The following ANKRD27 variants were observed in gnomAD, a reference collection of about 807,000 sequenced individuals.
ANKRD27 encodes the protein ankyrin repeat domain 27.
A neutral mutation model predicts 129.7 loss-of-function variants in ANKRD27; 112 were observed. The ratio of observed to expected loss-of-function variants is 0.86; its 90% CI spans 0.74 to 1.01. ANKRD27 has a LOEUF of 1.01. Ranked by LOEUF, ANKRD27 falls within the 50% of genes least tolerant of loss-of-function variation. ANKRD27 has a pLI of 0.00. For missense variants in ANKRD27, 1,258 were observed against 1,300.5 expected, an observed-to-expected ratio of 0.97 and a Z score of 0.50; for synonymous variants, 516 against 511.2, an observed-to-expected ratio of 1.01 and a Z score of -0.13.
chr19:32,629,497 C>T (rs1966951798), intron 13 of ANKRD27, among the ~76,000 whole-genome samples: 1 of 152,070 alleles, frequency 6.6e-6, no homozygotes, highest in African/African-American at 2.4e-5. Context: ...GTCAGGAGTT[C>T]GAGACTAGCC....
chr19:32,641,362 CA>C (rs1967197311), intron 10 of ANKRD27, among the ~76,000 whole-genome samples: 2 of 152,154 alleles, frequency 1.3e-5, no homozygotes, highest in Non-Finnish European at 2.9e-5. Context: ...CTAAAGTCAC[CA>C]AGGTCCTTCC....
intron 10 of ANKRD27, 91 bp downstream of exon 10, chr19:32,641,933 C>T: frequency 4.9e-6 from 7 of 1,439,592 alleles, no homozygotes; most frequent in Non-Finnish European, 4.6e-6. Context: ...GCACCCAGCC[C>T]CATAAAAATC....
chr19:32,603,540 GACTTTTACTTTCATTTTTTTGAGAT>G (rs1238182319), intron 25 of ANKRD27, among the ~76,000 whole-genome samples: 1 of 152,102 alleles, frequency 6.6e-6, no homozygotes, highest in Admixed American at 6.6e-5. Context: ...AGGACTCAAG[GACTTTTACTTTCATTTTTTTGAGAT>G]AAAGTCTCTG....
chr19:32,644,406 G>C lies in ANKRD27; in HGVS notation c.444C>G (p.His148Gln), dbSNP rs1967262588. 2 of 1,614,158 alleles carry C rather than the reference G, an allele frequency of 1.2e-6. No individual in the cohort carries two copies. The highest frequency in any genetic ancestry group is 1.1e-5 in the South Asian group (1 of 91,086). ...CGATGTTCCTGTCAAATCGCTCGGA[G>C]TGTCTTCCCAAGAACTCTCTCACAT... ...IEDVREFLGR[H>Q]SERFDRNIAS... The change falls in exon 5 of 29, where the codon CAC (histidine) becomes CAG (glutamine). Residue 148 changes from histidine to glutamine, a missense_variant. Transcript: ENST00000306065.
In ANKRD27 at chr19:32,626,747, G is replaced by A. The variant is rs1966890689; in HGVS notation, c.1501C>T (p.His501Tyr). Residue 501 changes from histidine to tyrosine, a missense_variant, in exon 16 of 29, where the codon CAC (histidine) becomes TAC (tyrosine). By Grantham distance (83) the His-to-Tyr change is moderately conservative. Transcript: ENST00000306065. ...ATDYHGATPLHLACQKGYQSV... is the reference protein window; with the variant it reads ...ATDYHGATPLYLACQKGYQSV... Reference sequence around the variant, plus strand: ...TGGTAGCCCTTCTGACAGGCCAGGTGGAGCGGAGTGGCTCCATGGTAGTCT... The same window carrying A: ...TGGTAGCCCTTCTGACAGGCCAGGTAGAGCGGAGTGGCTCCATGGTAGTCT... The A allele has an allele frequency of 6.2e-7, 1 of 1,612,224 alleles. No individual in the cohort carries two copies. The highest frequency in any genetic ancestry group is 8.5e-7 in the Non-Finnish European group (1 of 1,179,272).
chr19:32,672,105 T>C (rs1185118542), intron 1 of ANKRD27, among the ~76,000 whole-genome samples: 1 of 152,224 alleles, frequency 6.6e-6, no homozygotes, highest in African/African-American at 2.4e-5. Flanking sequence ...TCCTTAGAGA[T>C]GCACTCCCTG....
At chr19:32,671,526 C>T (rs7256791) in intron 1 of ANKRD27, among the ~76,000 whole-genome samples, 11,250 of 151,902 alleles carry the variant, frequency 0.074, 724 homozygotes, top group East Asian at 0.17. Context: ...GGTAAAACCC[C>T]GTCTCTACTA....
intron 9 of ANKRD27, among the ~76,000 whole-genome samples, chr19:32,642,564 C>T (rs1409146370): frequency 2.6e-5 from 4 of 151,958 alleles, no homozygotes; most frequent in Non-Finnish European, 5.9e-5. Flanking sequence ...ATGGTGAAAC[C>T]CCATCTCTTC....
chr19:32,613,542 A>C (rs1971863965), intron 22 of ANKRD27, among the ~76,000 whole-genome samples: 1 of 152,176 alleles, frequency 6.6e-6, no homozygotes, highest in Non-Finnish European at 1.5e-5. Context: ...GCAACAAACT[A>C]CATGTCCTTG....
chr19:32,643,658 G>A (rs749923952), intron 5 of ANKRD27, 27 bp from the exon 6 acceptor site: 4 of 1,613,046 alleles, frequency 2.5e-6, no homozygotes, highest in Non-Finnish European at 3.4e-6. Context: ...AGAGGGACAG[G>A]CCACCCTTAC....
Position 32,606,939 on chromosome 19 carries a change from C to CAAAAAAAAAAAA in ANKRD27, c.2373+684_2373+695dup, listed in dbSNP as rs532062312. On this transcript the variant is annotated intron_variant, in intron 23 of 28. Coordinates refer to ENST00000306065, the MANE Select transcript of ANKRD27 (RefSeq NM_032139.3). ...ACAACATGGTGAAACCCCATCTCCA[C>CAAAAAAAAAAAA]AAAAAAAAAAAAAAAAAAAAAAAAA... 5.0e-4 allele frequency among the ~76,000 whole-genome samples: 33 copies of CAAAAAAAAAAAA among 65,648 alleles called. 1 individual carries two copies. The highest frequency in any genetic ancestry group is 1.2e-3 in the East Asian group (2 of 1,710). 43.1% of individuals were successfully genotyped at this position (65,648 alleles called of 152,430 possible).
intron 3 of ANKRD27, among the ~76,000 whole-genome samples, chr19:32,648,431 A>G (rs944478386): frequency 1.4e-4 from 22 of 152,234 alleles, no homozygotes; most frequent in African/African-American, 4.8e-4. Flanking sequence ...TTGTGGTTAC[A>G]TAAGAGAATG....
At chr19:32,643,005 C>T in intron 9 of ANKRD27, 118 bp downstream of exon 9, 1 of 1,013,308 alleles carries the variant, frequency 9.9e-7, no homozygotes, top group Non-Finnish European at 1.5e-6. Flanking sequence ...TGCGCTGCTC[C>T]TCAGAACTAA....
rs1972084470 is a variant in ANKRD27 at position 32,625,976 on chromosome 19, T to G, written c.1537-10A>C. On this transcript the variant is annotated splice_polypyrimidine_tract_variant and intron_variant, in intron 16 of 28. Transcript: ENST00000306065. ...AGTGCAGCAGCAGCAGCTGCGGAGA[T>G]AAAGGAAAGCGATGAGCAGGGCACA... 1 of 1,598,874 alleles carries G rather than the reference T, an allele frequency of 6.3e-7. No individual in the cohort carries two copies. The highest frequency in any genetic ancestry group is 2.2e-5 in the East Asian group (1 of 44,446).
At chr19:32,626,018 G>T in intron 16 of ANKRD27, 52 bp from the exon 17 acceptor site, 1 of 1,477,870 alleles carries the variant, frequency 6.8e-7, no homozygotes, top group East Asian at 2.4e-5. Flanking sequence ...TCCCTGGGAG[G>T]CCCGGCCTCC....
chr19:32,655,141 C>T (rs1967494880), intron 2 of ANKRD27: 1 of 152,338 alleles, frequency 6.6e-6, no homozygotes, highest in Admixed American at 6.5e-5. Context: ...CCTCCTTGGG[C>T]AACATGGTGG....
At chr19:32,606,126 T>C (rs1971731222) in intron 23 of ANKRD27, among the ~76,000 whole-genome samples, 172 bp from the exon 24 acceptor site, 2 of 101,956 alleles carry the variant, frequency 2.0e-5, no homozygotes, top group African/African-American at 5.2e-5. Context: ...TATTTTTTTG[T>C]TGTTGTTCTT....
chr19:32,637,617 C>T (rs1549159), intron 12 of ANKRD27: 107,417 of 152,256 alleles, frequency 0.71, 38,558 homozygotes, highest in African/African-American at 0.84. Context: ...GAGCCAGGAA[C>T]AGGCAGGAGC....
Position 32,643,352 on chromosome 19 carries a change from T to C in ANKRD27, c.640A>G (p.Ile214Val), listed in dbSNP as rs1347265751. Residue 214 changes from isoleucine (I) to valine (V), a missense_variant and splice_region_variant, in exon 8 of 29, where the codon ATA (isoleucine) becomes GTA (valine). Coordinates refer to ENST00000306065, the MANE Select transcript of ANKRD27 (RefSeq NM_032139.3). ...TTGTAAATTTCATGATGGACGTATATCTGTGGAATCAACAGACCCCATTCA... is the reference window on the plus strand; with the variant it reads ...TTGTAAATTTCATGATGGACGTATACCTGTGGAATCAACAGACCCCATTCA... ...QMNLMKQAVE[I>V]YVHHEIYNLI... 1.2e-6 allele frequency: 2 copies of C among 1,613,792 alleles called. No homozygotes were observed. The highest frequency in any genetic ancestry group is 2.7e-5 in the African/African-American group (2 of 74,848).
Sources: allele counts gnomAD v4.1 joint callset (sites outside exome capture counted in the v4.1 genomes callset), GRCh38; gene constraint gnomAD v4.1.1; transcripts MANE v1.5; gene names NCBI Gene and HGNC (gene_info 2026-07-23, HGNC 2026-07-21).